SLC35H1: variants seen among roughly 807,000 people sequenced by gnomAD.
SLC35H1 encodes ovarian cancer-overexpressed gene 1 protein.
the SLC35H1 span, among the ~76,000 whole-genome samples, chr20:46,353,652 T>A: frequency 1.3e-5 from 2 of 152,168 alleles, no homozygotes; most frequent in Admixed American, 6.5e-5. Flanking sequence ...AAGAGCAGCA[T>A]AAGTAATGAA....
At chr20:46,350,303 GC>G in the SLC35H1 span, 1 of 1,467,142 alleles carries the variant, frequency 6.8e-7, no homozygotes, top group Non-Finnish European at 9.1e-7. Context: ...ACAGCTCCCA[GC>G]TACCATGATG....
the SLC35H1 span, chr20:46,357,784 C>G: frequency 2.5e-6 from 4 of 1,613,678 alleles, no homozygotes; most frequent in Non-Finnish European, 3.4e-6. Context: ...CTGTATGGAG[C>G]CCAAAGCAGA....
the SLC35H1 span, chr20:46,350,449 C>T: frequency 2.4e-5 from 39 of 1,613,624 alleles, 1 homozygote; most frequent in Admixed American, 6.7e-5. Context: ...ACCTTCCTCC[C>T]GCTGGCTGCT....
the SLC35H1 span, chr20:46,355,523 C>CA: frequency 1.6e-6 from 1 of 626,336 alleles, no homozygotes; most frequent in Non-Finnish European, 2.7e-6. This position sits in a 1 kb window ranked among gnomAD's most constrained non-coding sequence, Gnocchi z 4.8. Flanking sequence ...GCCTAACACA[C>CA]AGGGCTACTG....
At chr20:46,358,265 G>A in the SLC35H1 span, 15 of 933,540 alleles carry the variant, frequency 1.6e-5, no homozygotes, top group South Asian at 3.0e-5. Context: ...CAGCCCAGCC[G>A]TGACTGGCTT....
At chr20:46,355,692 A>C in the SLC35H1 span, 3 of 1,518,376 alleles carry the variant, frequency 2.0e-6, no homozygotes, top group Non-Finnish European at 1.8e-6. The surrounding 1 kb of genome is among the most constrained non-coding windows in gnomAD (Gnocchi z 4.8). Flanking sequence ...TGCCACCTGG[A>C]CTGGGCTTGT....
chr20:46,358,530 C>A, the SLC35H1 span: 1 of 1,614,182 alleles, frequency 6.2e-7, no homozygotes, highest in Non-Finnish European at 8.5e-7. Context: ...AGCACCGGAG[C>A]TCCTGAGTCA....
At chr20:46,351,778 T>G in the SLC35H1 span, among the ~76,000 whole-genome samples, 1 of 152,336 alleles carries the variant, frequency 6.6e-6, no homozygotes, top group Admixed American at 6.5e-5. Flanking sequence ...CAGAGCTGGC[T>G]TTGAGGCCCC....
At chr20:46,352,340 TAA>T in the SLC35H1 span, 1 of 893,902 alleles carries the variant, frequency 1.1e-6, no homozygotes, top group South Asian at 1.6e-5. Context: ...TGAGACCTGC[TAA>T]CTGTCTGCAG....
chr20:46,350,230 C>T, the SLC35H1 span: 2 of 768,360 alleles, frequency 2.6e-6, no homozygotes, highest in Non-Finnish European at 4.0e-6. Flanking sequence ...TGACCAGGCT[C>T]TGAAGGGAGG....
chr20:46,352,338 GCTAA>G, the SLC35H1 span: 2 of 908,898 alleles, frequency 2.2e-6, no homozygotes, highest in East Asian at 2.4e-5. Flanking sequence ...ACTGAGACCT[GCTAA>G]CTGTCTGCAG....
chr20:46,347,590 G>GA, the SLC35H1 span: 1 of 152,246 alleles, frequency 6.6e-6, no homozygotes, highest in Non-Finnish European at 1.5e-5. Context: ...TGTGATGCAG[G>GA]AAGCTGCAGC....
the SLC35H1 span, chr20:46,355,990 A>C: frequency 6.8e-7 from 1 of 1,467,738 alleles, no homozygotes. The surrounding 1 kb of genome is among the most constrained non-coding windows in gnomAD (Gnocchi z 4.8). Context: ...CTGGGCTGTC[A>C]TCTGAGTGAT....
chr20:46,356,862 G>T, the SLC35H1 span, among the ~76,000 whole-genome samples: 3 of 152,210 alleles, frequency 2.0e-5, no homozygotes, highest in Non-Finnish European at 4.4e-5. Flanking sequence ...CAACTGGCTG[G>T]GCCGGTATGG....
At chr20:46,352,219 A>G in the SLC35H1 span, 7 of 1,613,962 alleles carry the variant, frequency 4.3e-6, no homozygotes, top group South Asian at 1.1e-5. Context: ...ATGTGGACAA[A>G]TGGAGACCTG....
At chr20:46,361,507 G>A in the SLC35H1 span, among the ~76,000 whole-genome samples, 1 of 152,112 alleles carries the variant, frequency 6.6e-6, no homozygotes, top group African/African-American at 2.4e-5. Context: ...TCAAACATAC[G>A]TCTACAGATC....
chr20:46,350,896 G>A, the SLC35H1 span: 1 of 1,613,736 alleles, frequency 6.2e-7, no homozygotes. Context: ...ACTTCCTGGG[G>A]GCAGAGAAGC....
At chr20:46,349,062 G>A in the SLC35H1 span, 1 of 152,214 alleles carries the variant, frequency 6.6e-6, no homozygotes, top group Non-Finnish European at 1.5e-5. Flanking sequence ...CCCACCCATG[G>A]ATACCCACTG....
At chr20:46,361,536 C>A in the SLC35H1 span, among the ~76,000 whole-genome samples, 1 of 152,180 alleles carries the variant, frequency 6.6e-6, no homozygotes, top group African/African-American at 2.4e-5. Flanking sequence ...CACACTGTTT[C>A]CTCTACGCCA....
Sources: gnomAD v4.1 joint callset for allele counts (sites outside exome capture counted in the v4.1 genomes callset) on GRCh38, gnomAD v4.1.1 for gene constraint, Gnocchi (gnomAD v3.1) non-coding constraint, MANE v1.5 for transcripts, NCBI Gene and HGNC (gene_info 2026-07-23, HGNC 2026-07-21) for gene names.